Variants in EZR observed in about 807,000 individuals in gnomAD.
EZR encodes cytovillin 2.
Under a neutral mutation model 74.8 loss-of-function variants are expected in EZR, and 40 were observed. The observed-to-expected ratio is 0.53, with a 90% confidence interval of 0.42 to 0.70. The LOEUF (loss-of-function observed/expected upper bound fraction) is 0.70, where lower values mean the gene tolerates loss of function less well. Ranked by LOEUF, EZR falls within the 30% of genes least tolerant of loss-of-function variation. The pLI, the probability that EZR is intolerant of heterozygous loss-of-function variation, is 0.00. For synonymous variants in EZR, 341 were observed against 283.3 expected, an observed-to-expected ratio of 1.20 and a Z score of -2.05; for missense variants, 678 against 755.8, an observed-to-expected ratio of 0.90 and a Z score of 1.21.
chr6:158,808,890 G>A (rs1446093851), intron 2 of EZR, among the ~76,000 whole-genome samples: 3 of 152,208 alleles, frequency 2.0e-5, no homozygotes, highest in East Asian at 3.8e-4. Flanking sequence ...CACTTTGAGA[G>A]ACTGAGGCAG....
chr6:158,811,721 G>C (rs1235484601), intron 2 of EZR, among the ~76,000 whole-genome samples: 1 of 152,074 alleles, frequency 6.6e-6, no homozygotes, highest in East Asian at 1.9e-4. Flanking sequence ...AAATTAGCTG[G>C]GTGTGGTAGT....
In EZR at chr6:158,803,600, TATATAC is replaced by T. The variant is rs1777256528; in HGVS notation, c.13-14235_13-14230del. On this transcript the variant is annotated intron_variant, in intron 2 of 13. Transcript: ENST00000367075. Reference sequence around the variant, plus strand: ...ATATATACATATATATATATATATATATATACATATATATATATATATATACATATA... The same window carrying T: ...ATATATACATATATATATATATATATATATATATATATATATATACATATA... Among the ~76,000 whole-genome samples, 9 of 14,748 alleles carry T rather than the reference TATATAC, an allele frequency of 6.1e-4. 1 individual carries two copies. Among genetic ancestry groups the T allele is most frequent in the South Asian group, 4.8e-3 (2 of 416 alleles). 9.7% of individuals were successfully genotyped at this position (14,748 alleles called of 152,430 possible).
In EZR at chr6:158,767,297, C is replaced by T. The variant is rs562364004; in HGVS notation, c.1560G>A (p.Glu520=). The T allele has an allele frequency of 4.0e-5, 64 of 1,614,080 alleles. 1 individual carries two copies. In the South Asian group the frequency reaches 6.1e-4, roughly 16 times the overall value. The change falls in exon 13 of 14, where the codon GAG becomes GAA. Residue 520 remains glutamate, a synonymous_variant. Transcript: ENST00000367075. ...DDRNEEKRIT[E]AEKNERVQRQ... ...GCTGCACACGCTCGTTCTTCTCTGC[C>T]TCAGTGATGCGCTTCTCCTCATTGC...
At chr6:158,769,176 GA>G (rs1484291520) in intron 12 of EZR, 149 bp downstream of exon 12, 4 of 641,772 alleles carry the variant, frequency 6.2e-6, no homozygotes, top group Non-Finnish European at 1.1e-5. Flanking sequence ...ATTGGCAGAG[GA>G]TCATGAGACA....
At chr6:158,803,530 TATATATATATATATGTATA>T (rs1777236787) in intron 2 of EZR, among the ~76,000 whole-genome samples, 2 of 68,192 alleles carry the variant, frequency 2.9e-5, no homozygotes, top group Non-Finnish European at 4.7e-5. Context: ...TGTAACATTA[TATATATATATATATGTATA>T]TATATATATA....
rs1791090603 is a variant in EZR, at chr6:158,771,035, CCTGACGGAGCAGCCGCTCCAGGG to C, written c.960-164_960-142del. The C allele has an allele frequency of 4.3e-6, 6 of 1,399,124 alleles. No individual in the cohort carries two copies. In the East Asian group the frequency reaches 1.4e-4, roughly 32 times the overall value. 86.7% of individuals were successfully genotyped at this position (1,399,124 alleles called of 1,614,324 possible). ...CCTAGCCTGCTGCCAGCCTGAGCTG[CCTGACGGAGCAGCCGCTCCAGGG>C]CTGACAACAGGCTCAGCACCACAGC... is the stretch of plus-strand genomic sequence containing the variant. On this transcript the variant is annotated intron_variant, in intron 9 of 13. Coordinates refer to ENST00000367075, the MANE Select transcript of EZR (RefSeq NM_001111077.2).
Position 158,785,539 on chromosome 6 carries a change from C to T in EZR, c.237G>A (p.Lys79=), listed in dbSNP as rs1294545379. Residue 79 remains lysine (K), a synonymous_variant, in exon 5 of 14, where the codon AAG becomes AAA. Transcript: ENST00000367075. ...CTTCAGGGTAGAACTTGGCCCGGAACTTGAACTGGAGGGGATTCTCCTTCC... is the reference window on the plus strand; with the variant it reads ...CTTCAGGGTAGAACTTGGCCCGGAATTTGAACTGGAGGGGATTCTCCTTCC... The part of the protein sequence containing the change: ...EVRKENPLQF[K]FRAKFYPEDV... The T allele has an allele frequency of 6.2e-7, 1 of 1,614,074 alleles. No homozygotes were observed. Among genetic ancestry groups the T allele is most frequent in the African/African-American group, 1.3e-5 (1 of 74,934 alleles).
chr6:158,768,962 G>C (rs1791008333), intron 12 of EZR, among the ~76,000 whole-genome samples: 1 of 152,186 alleles, frequency 6.6e-6, no homozygotes, highest in Admixed American at 6.5e-5. Context: ...CGACCCCATT[G>C]CAAGGGGCAC....
intron 2 of EZR, among the ~76,000 whole-genome samples, chr6:158,797,227 GGA>G (rs2128573080): frequency 6.6e-6 from 1 of 152,260 alleles, no homozygotes; most frequent in African/African-American, 2.4e-5. Flanking sequence ...AAACATTACA[GGA>G]GAGCAACCCT....
chr6:158,769,704 T>TA, intron 11 of EZR, 80 bp downstream of exon 11: 2 of 1,552,494 alleles, frequency 1.3e-6, no homozygotes, highest in Non-Finnish European at 1.8e-6. Context: ...TGACAATTAT[T>TA]ACAAGGCAGG....
At chr6:158,818,476 G>A (rs9457474) in intron 1 of EZR, among the ~76,000 whole-genome samples, 16,929 of 150,376 alleles carry the variant, frequency 0.11, 981 homozygotes, top group Middle Eastern at 0.15. Context: ...GGGACCCCCA[G>A]CATGAAGGGG....
At position 158,769,660 on chromosome 6, in the gene EZR, G is replaced by GC. The variant is rs1382511233; in HGVS notation, c.1251+123dup. 1.5e-5 allele frequency: 21 copies of GC among 1,397,082 alleles called. 1 individual carries two copies. The East Asian group carries it at 2.3e-4, about 15-fold the overall frequency. 86.5% of individuals were successfully genotyped at this position (1,397,082 alleles called of 1,614,324 possible). ...GCCCCTTCCCCACCAGCTGCCTTCA[G>GC]CCCCCCAGCAGATCAGTTTACAGCT... is the stretch of plus-strand genomic sequence containing the variant. On this transcript the variant is annotated intron_variant, in intron 11 of 13. Coordinates refer to ENST00000367075, the MANE Select transcript of EZR (RefSeq NM_001111077.2).
intron 12 of EZR, 115 bp from the exon 13 acceptor site, chr6:158,767,627 G>T: frequency 8.7e-7 from 1 of 1,153,360 alleles, no homozygotes; most frequent in Non-Finnish European, 1.2e-6. Flanking sequence ...ACTGAACTGT[G>T]CTGGGCTGTG....
chr6:158,818,670 A>G (rs1777620915), intron 1 of EZR, among the ~76,000 whole-genome samples: 1 of 141,312 alleles, frequency 7.1e-6, no homozygotes, highest in East Asian at 2.2e-4. Context: ...GGCGGAGAAG[A>G]GGGGGCGCGG....
At chr6:158,782,899 A>G (rs186407479) in intron 7 of EZR, among the ~76,000 whole-genome samples, 1 of 152,298 alleles carries the variant, frequency 6.6e-6, no homozygotes, top group East Asian at 1.9e-4. Context: ...TCCTCAGCAG[A>G]AAGAAGGCAA....
At position 158,796,245 on chromosome 6, in the gene EZR, C is replaced by G. The variant is rs1777067381; in HGVS notation, c.13-6874G>C. On this transcript the variant is annotated intron_variant, in intron 2 of 13. Transcript: ENST00000367075. ...CCAAGAAGGAAAGTACCCCTCCAGG[C>G]AGACACACGACAGCACAGGTGTTAC... Among the ~76,000 whole-genome samples the G allele has an allele frequency of 2.0e-5, 3 of 152,236 alleles. No homozygotes were observed. In the South Asian group the frequency reaches 6.2e-4, roughly 31 times the overall value.
chr6:158,818,628 G>C (rs1004468478), intron 1 of EZR, among the ~76,000 whole-genome samples: 1 of 150,460 alleles, frequency 6.6e-6, no homozygotes, highest in Non-Finnish European at 1.5e-5. Flanking sequence ...GGAGGGGTCT[G>C]GGGGACACTC....
At chr6:158,800,817 G>A (rs1369821256) in intron 2 of EZR, among the ~76,000 whole-genome samples, 1 of 152,006 alleles carries the variant, frequency 6.6e-6, no homozygotes, top group Non-Finnish European at 1.5e-5. Flanking sequence ...AAAAAAAATT[G>A]TACTAATAAA....
intron 7 of EZR, among the ~76,000 whole-genome samples, chr6:158,777,786 GCAGT>G (rs1424935553): frequency 6.6e-6 from 1 of 152,082 alleles, no homozygotes; most frequent in African/African-American, 2.4e-5. Flanking sequence ...GGGAATTAGC[GCAGT>G]CAGTCATGGT....
Sources: gnomAD v4.1 joint callset for allele counts (sites outside exome capture counted in the v4.1 genomes callset) on GRCh38, gnomAD v4.1.1 for gene constraint, MANE v1.5 for transcripts, NCBI Gene and HGNC (gene_info 2026-07-23, HGNC 2026-07-21) for gene names.